The following ACOXL variants were observed in gnomAD, a reference collection of about 807,000 sequenced individuals.
ACOXL encodes acyl-CoA oxidase like.
A neutral mutation model predicts 71.9 loss-of-function variants in ACOXL; 70 were observed. The ratio of observed to expected loss-of-function variants is 0.97; its 90% CI spans 0.80 to 1.19. The LOEUF (loss-of-function observed/expected upper bound fraction) is 1.19. ACOXL is among the 50% of genes most tolerant of loss of function. The pLI is 0.00. For missense variants in ACOXL, 703 were observed against 736.3 expected (o/e 0.95, Z 0.52); for synonymous variants, 253 against 281.6 (o/e 0.90, Z 1.02).
rs1411605341 is a variant in ACOXL, at chr2:111,012,399, AT to A, written c.1281+16398del. Among the ~76,000 whole-genome samples, 4 of 152,244 alleles carry A rather than the reference AT, an allele frequency of 2.6e-5. No homozygotes were observed. The South Asian group carries it at 8.3e-4, about 32-fold the overall frequency. ...TTTGTGTGACTTGCTTTATTGACAT[AT>A]TTGCTTTATTGCAGTGGTCTGGAAT... is the stretch of plus-strand genomic sequence containing the variant. On this transcript the variant is annotated intron_variant, in intron 14 of 17. Coordinates refer to ENST00000439055, the MANE Select transcript of ACOXL (RefSeq NM_001142807.4).
intron 14 of ACOXL, among the ~76,000 whole-genome samples, chr2:110,998,644 A>G (rs1342181877): frequency 1.3e-5 from 2 of 152,196 alleles, no homozygotes; most frequent in Non-Finnish European, 2.9e-5. Flanking sequence ...TAATGCTTTG[A>G]TCTTGAACTG....
intron 1 of ACOXL, among the ~76,000 whole-genome samples, chr2:110,734,291 A>G (rs1676557000): frequency 2.6e-5 from 4 of 151,208 alleles, no homozygotes; most frequent in African/African-American, 9.7e-5. Flanking sequence ...TTTTTTTGAG[A>G]CGGAGTCTGA....
intron 3 of ACOXL, among the ~76,000 whole-genome samples, chr2:110,792,159 C>G (rs1427329513): frequency 6.6e-6 from 1 of 152,204 alleles, no homozygotes; most frequent in Non-Finnish European, 1.5e-5. Context: ...ATTGTCTGGC[C>G]AGATGAGCCA....
chr2:111,072,433 A>G (rs1252333819), intron 16 of ACOXL, among the ~76,000 whole-genome samples: 1 of 152,196 alleles, frequency 6.6e-6, no homozygotes, highest in Non-Finnish European at 1.5e-5. Flanking sequence ...AATCATTTTC[A>G]TTGCTGAGTA....
At chr2:110,954,262 T>C (rs953735447) in intron 12 of ACOXL, among the ~76,000 whole-genome samples, 2 of 152,238 alleles carry the variant, frequency 1.3e-5, no homozygotes, top group Non-Finnish European at 2.9e-5. Context: ...ATGTGTCTTA[T>C]AAACAACATT....
chr2:111,109,244 T>C (rs1054658297), intron 17 of ACOXL, among the ~76,000 whole-genome samples: 6 of 152,246 alleles, frequency 3.9e-5, no homozygotes, highest in African/African-American at 1.4e-4. Context: ...AATGGACATT[T>C]AAGGTGTTTA....
chr2:111,066,302 G>A (rs1439070079), intron 16 of ACOXL, among the ~76,000 whole-genome samples: 3 of 152,160 alleles, frequency 2.0e-5, no homozygotes, highest in South Asian at 2.1e-4. Context: ...CCATGATTCC[G>A]TTGATATACC....
At chr2:111,021,030 G>A (rs1323049660) in intron 14 of ACOXL, among the ~76,000 whole-genome samples, 1 of 152,182 alleles carries the variant, frequency 6.6e-6, no homozygotes, top group Non-Finnish European at 1.5e-5. Flanking sequence ...GTGAATTCCA[G>A]CCTTGCACCT....
chr2:110,942,323 C>T (rs1208757380), intron 12 of ACOXL, among the ~76,000 whole-genome samples: 2 of 152,040 alleles, frequency 1.3e-5, no homozygotes, highest in Non-Finnish European at 2.9e-5. Context: ...ACAAAAAACC[C>T]ACTTCAAATA....
At chr2:111,102,910 C>A (rs1005238981) in intron 17 of ACOXL, among the ~76,000 whole-genome samples, 1 of 152,094 alleles carries the variant, frequency 6.6e-6, no homozygotes. Flanking sequence ...ATTTTACAGA[C>A]GAGACATTGC....
At chr2:111,116,916 G>T (rs1484865815) in intron 17 of ACOXL, among the ~76,000 whole-genome samples, 1 of 152,034 alleles carries the variant, frequency 6.6e-6, no homozygotes, top group African/African-American at 2.4e-5. Flanking sequence ...TCTCCTATCC[G>T]CCGGGAATGT....
chr2:110,979,547 C>T (rs912869941), intron 12 of ACOXL, among the ~76,000 whole-genome samples: 1 of 152,098 alleles, frequency 6.6e-6, no homozygotes, highest in African/African-American at 2.4e-5. Flanking sequence ...GGTGTGAGGG[C>T]CCCAGCTGCC....
intron 9 of ACOXL, among the ~76,000 whole-genome samples, chr2:110,817,361 T>A (rs546679278): frequency 9.8e-5 from 15 of 152,364 alleles, no homozygotes; most frequent in African/African-American, 3.6e-4. Context: ...TGTACACATC[T>A]GTGTCCCACT....
chr2:110,824,864 AT>A (rs1279047718), intron 9 of ACOXL, among the ~76,000 whole-genome samples: 1 of 152,144 alleles, frequency 6.6e-6, no homozygotes, highest in Non-Finnish European at 1.5e-5. Flanking sequence ...CATTTTCCCG[AT>A]TCTTTGTAAA....
intron 9 of ACOXL, among the ~76,000 whole-genome samples, chr2:110,811,360 G>A (rs1453630098): frequency 2.0e-5 from 3 of 152,166 alleles, no homozygotes; most frequent in South Asian, 4.1e-4. Flanking sequence ...TGGTGGGAAC[G>A]GAAACCCTCT....
In ACOXL at chr2:111,111,091, T is replaced by A. The variant is rs188137697; in HGVS notation, c.1543-6525T>A. ...AAACTATCAGTTGATTAAGTTTTTT[T>A]AATTTATTTTATTTATTTATTTTTT... On this transcript the variant is annotated intron_variant, in intron 17 of 17. Transcript: ENST00000439055. Among the ~76,000 whole-genome samples the A allele has an allele frequency of 4.0e-4, 61 of 152,286 alleles. No homozygotes were observed. The East Asian group carries it at 5.8e-3, about 14-fold the overall frequency.
rs748428770 is a variant in ACOXL at position 111,049,256 on chromosome 2, C to T, written c.1408C>T (p.Pro470Ser). ...EQFSLAVKSC[P>S]DQEDQTLLMK... The stretch of plus-strand genomic sequence containing the variant: ...GTTCTCCCTAGCAGTGAAGAGCTGT[C>T]CTGACCAAGAGGACCAGACTTTGTT... Residue 470 changes from proline (P) to serine (S), a missense_variant, in exon 16 of 18, where the codon CCT (proline) becomes TCT (serine). Coordinates refer to ENST00000439055, the MANE Select transcript of ACOXL (RefSeq NM_001142807.4). The T allele has an allele frequency of 2.2e-5, 36 of 1,612,696 alleles. No individual in the cohort carries two copies. Among genetic ancestry groups the T allele is most frequent in the Non-Finnish European group, 3.0e-5 (35 of 1,178,810 alleles).
rs768893329 is a variant in ACOXL at position 110,798,700 on chromosome 2, C to T, written c.436C>T (p.Leu146Phe). 3.1e-6 allele frequency: 5 copies of T among 1,613,988 alleles called. No homozygotes were observed. In the African/African-American group the frequency reaches 4.0e-5, roughly 13 times the overall value. ...YGNYAAVFAQ[L>F]IIDGRSQGPH... ...GAATTATGCAGCTGTCTTTGCCCAGCTCATCATAGATGGAAGATCTCAAGG... is the reference window on the plus strand; with the variant it reads ...GAATTATGCAGCTGTCTTTGCCCAGTTCATCATAGATGGAAGATCTCAAGG... The change falls in exon 6 of 18, where the codon CTC becomes TTC. Residue 146 changes from leucine (L) to phenylalanine (F), a missense_variant. Physicochemically the swap from Leu to Phe is conservative, Grantham distance 22. Coordinates refer to ENST00000439055, the MANE Select transcript of ACOXL (RefSeq NM_001142807.4).
intron 13 of ACOXL, among the ~76,000 whole-genome samples, chr2:110,989,030 C>T (rs962697777): frequency 3.3e-5 from 5 of 151,950 alleles, no homozygotes; most frequent in African/African-American, 7.3e-5. Context: ...TAATTATAGT[C>T]GAACTTATCA....
Sources: allele counts gnomAD v4.1 joint callset (sites outside exome capture counted in the v4.1 genomes callset), GRCh38; gene constraint gnomAD v4.1.1; transcripts MANE v1.5; gene names NCBI Gene and HGNC (gene_info 2026-07-23, HGNC 2026-07-21).